UBR2: variants seen among roughly 807,000 people sequenced by gnomAD.
The protein encoded by UBR2 is ubiquitin protein ligase E3 component n-recognin 2.
UBR2 carries 92 observed loss-of-function variants against 247.9 expected under a neutral mutation model. The observed-to-expected ratio is 0.37, with a 90% CI of 0.31 to 0.44. The LOEUF (loss-of-function observed/expected upper bound fraction) is 0.44. UBR2 is among the 20% of genes least tolerant of loss of function. The pLI, the probability that UBR2 is intolerant of heterozygous loss-of-function variation, is 1.00. For synonymous variants in UBR2, 672 were observed against 693.5 expected (o/e 0.97, Z 0.49); for missense variants, 1,613 against 2,112.6 (o/e 0.76, Z 4.64).
At chr6:42,619,446 TATA>T (rs1425868395) in intron 11 of UBR2, 41 of 42,572 alleles carry the variant, frequency 9.6e-4, no homozygotes, top group Non-Finnish European at 1.7e-3. Context: ...TATATATATA[TATA>T]TATATTTTTT....
rs1582397642 is a variant in UBR2 at position 42,564,410 on chromosome 6, A to G, written c.78+13A>G. ...GGAGATTGCGGGGGTGAGTGCCGGA[A>G]CCCGGGCGGGTGCGTCTGCCCCTCG... On this transcript the variant is annotated intron_variant, in intron 1 of 46. Coordinates refer to ENST00000372901, the MANE Select transcript of UBR2 (RefSeq NM_001363705.2). 1 of 1,605,428 alleles carries G rather than the reference A, an allele frequency of 6.2e-7. No individual in the cohort carries two copies. Among genetic ancestry groups the G allele is most frequent in the South Asian group, 1.1e-5 (1 of 89,520 alleles).
chr6:42,667,205 G>A (rs900663622), intron 34 of UBR2, among the ~76,000 whole-genome samples: 6 of 152,028 alleles, frequency 3.9e-5, no homozygotes, highest in Non-Finnish European at 8.8e-5. Flanking sequence ...GCGTGGTGGT[G>A]CACGCTTGTA....
chr6:42,579,969 CTG>C (rs1262612360), intron 2 of UBR2, among the ~76,000 whole-genome samples: 2 of 151,984 alleles, frequency 1.3e-5, no homozygotes, highest in Non-Finnish European at 2.9e-5. Context: ...TTCTTTATAA[CTG>C]TTTTCATAGT....
intron 11 of UBR2, chr6:42,620,084 C>G (rs908869847): frequency 4.7e-6 from 4 of 859,140 alleles, no homozygotes; most frequent in East Asian, 1.2e-4. Flanking sequence ...TAAATAGGTT[C>G]TACCAGACTC....
intron 4 of UBR2, among the ~76,000 whole-genome samples, chr6:42,597,712 G>A (rs1793073420): frequency 1.3e-5 from 2 of 151,984 alleles, no homozygotes; most frequent in Middle Eastern, 3.4e-3. Context: ...TCAGGAGTTC[G>A]AGACCAGCTT....
At chr6:42,628,218 A>ATG (rs922175861) in intron 11 of UBR2, among the ~76,000 whole-genome samples, 1 of 151,882 alleles carries the variant, frequency 6.6e-6, no homozygotes, top group Non-Finnish European at 1.5e-5. Flanking sequence ...CTTGTTGGAA[A>ATG]TGTTGGTCAT....
intron 14 of UBR2, among the ~76,000 whole-genome samples, chr6:42,636,140 G>A (rs1796074466): frequency 2.0e-5 from 3 of 151,650 alleles, no homozygotes; most frequent in Admixed American, 2.0e-4. Flanking sequence ...TTGGGCACAG[G>A]AGTGATTTTT....
intron 26 of UBR2, 49 bp from the exon 27 acceptor site, chr6:42,657,975 C>T (rs762662640): frequency 6.5e-6 from 9 of 1,381,812 alleles, no homozygotes; most frequent in Admixed American, 1.7e-5. Flanking sequence ...GGAATAAGTA[C>T]TATGAAGTAT....
intron 13 of UBR2, 55 bp downstream of exon 13, chr6:42,632,959 T>C (rs1314202492): frequency 1.3e-5 from 6 of 445,150 alleles, no homozygotes; most frequent in Non-Finnish European, 1.9e-5. Flanking sequence ...CTCTTTTCTC[T>C]TTTTTTTTTT....
At chr6:42,672,462 T>C (rs775617990) in intron 36 of UBR2, among the ~76,000 whole-genome samples, 37 of 152,104 alleles carry the variant, frequency 2.4e-4, no homozygotes, top group Non-Finnish European at 5.3e-4. Context: ...CATAGCAGTT[T>C]TTACCCAGAA....
In UBR2 at chr6:42,652,566, T is replaced by C. The variant is rs749567456; in HGVS notation, c.2690T>C (p.Met897Thr). ...GTTAACATTTTGCAGTCAGATGTCA[T>C]GTTGTGCATCATGGGAACAATTCTG... ...SLVNILQSDV[M>T]LCIMGTILQW... Residue 897 changes from methionine to threonine, a missense_variant, in exon 25 of 47, where the codon ATG (methionine) becomes ACG (threonine). Physicochemically the swap from Met to Thr is moderately conservative, Grantham distance 81 (BLOSUM62 -1). Around this residue, in one of 3 missense-constraint regions of UBR2, gnomAD observed 1,524 missense variants for 1,967.3 expected, o/e 0.77. Coordinates refer to ENST00000372901, the MANE Select transcript of UBR2 (RefSeq NM_001363705.2). 6.2e-7 allele frequency: 1 copy of C among 1,613,810 alleles called. No individual in the cohort carries two copies. The highest frequency in any genetic ancestry group is 8.5e-7 in the Non-Finnish European group (1 of 1,179,980).
At chr6:42,677,511 C>A (rs1798781990) in intron 40 of UBR2, among the ~76,000 whole-genome samples, 1 of 152,208 alleles carries the variant, frequency 6.6e-6, no homozygotes, top group Non-Finnish European at 1.5e-5. Flanking sequence ...GGCACGGTGT[C>A]TCACCCCTAT....
chr6:42,659,563 TACACACACACAC>T lies in UBR2; in HGVS notation c.3243-89_3243-78del. The T allele has an allele frequency of 3.4e-6, 2 of 596,272 alleles. No homozygotes were observed. The highest frequency in any genetic ancestry group is 4.4e-5 in the African/African-American group (2 of 45,352). The allele number at this position is 596,272 out of a possible 1,614,324, so 36.9% of individuals were successfully genotyped here. On this transcript the variant is annotated intron_variant, in intron 29 of 46. Coordinates refer to ENST00000372901, the MANE Select transcript of UBR2 (RefSeq NM_001363705.2). This position sits in a 1 kb window ranked among gnomAD's most constrained non-coding sequence, Gnocchi z 4.3. ...CACACACACACACACACACACACAC[TACACACACACAC>T]ACATACCTGTAGTCTGCTATTTTGT...
chr6:42,667,762 C>CTT (rs1260241442), intron 34 of UBR2, among the ~76,000 whole-genome samples: 16 of 67,106 alleles, frequency 2.4e-4, no homozygotes, highest in South Asian at 4.4e-4. Context: ...ACAACTTTTT[C>CTT]TTTTTTTTTT....
chr6:42,614,342 GTGTA>G (rs1170135386), intron 8 of UBR2, among the ~76,000 whole-genome samples: 9 of 24,214 alleles, frequency 3.7e-4, no homozygotes, highest in Non-Finnish European at 7.4e-4. Context: ...ATGTGTATGT[GTGTA>G]TGTATGTGTG....
chr6:42,598,727 A>C (rs984011703), intron 4 of UBR2, among the ~76,000 whole-genome samples: 7 of 152,170 alleles, frequency 4.6e-5, no homozygotes, highest in Admixed American at 3.9e-4. Flanking sequence ...CCTGGTGTGA[A>C]TCTCATAACT....
intron 1 of UBR2, among the ~76,000 whole-genome samples, chr6:42,571,709 C>CTCCAGCCT (rs1401656846): frequency 7.0e-6 from 1 of 142,898 alleles, no homozygotes; most frequent in Non-Finnish European, 1.5e-5. Flanking sequence ...TACCACTGCA[C>CTCCAGCCT]TCCAGCCTGG....
Position 42,594,296 on chromosome 6 carries a change from G to A in UBR2, c.523G>A (p.Glu175Lys), listed in dbSNP as rs529165970. 2.1e-5 allele frequency: 33 copies of A among 1,604,640 alleles called. No individual in the cohort carries two copies. The South Asian group carries it at 3.6e-4, about 17-fold the overall frequency. Residue 175 changes from glutamate (E) to lysine (K), a missense_variant, in exon 4 of 47, where the codon GAA becomes AAA. Around this residue, in one of 3 missense-constraint regions of UBR2, gnomAD observed 1,524 missense variants for 1,967.3 expected, o/e 0.77. Coordinates refer to ENST00000372901, the MANE Select transcript of UBR2 (RefSeq NM_001363705.2). ...KHELNTSEIE[E>K]EEDPLVHLSE... ...TGAACTTAACACCTCTGAAATTGAG[G>A]AAGAAGAGGTAAAAACATTTTCACA...
intron 7 of UBR2, among the ~76,000 whole-genome samples, chr6:42,610,317 C>G (rs1217143494): frequency 6.6e-6 from 1 of 152,140 alleles, no homozygotes; most frequent in African/African-American, 2.4e-5. Flanking sequence ...CCATGTGATC[C>G]AGCAATTTTG....
Sources: gnomAD v4.1 joint callset for allele counts (sites outside exome capture counted in the v4.1 genomes callset) on GRCh38, gnomAD v4.1.1 for gene constraint, gnomAD v4.1.1 regional missense constraint, Gnocchi (gnomAD v3.1) non-coding constraint, MANE v1.5 for transcripts, NCBI Gene and HGNC (gene_info 2026-07-23, HGNC 2026-07-21) for gene names.